PDXDC1: variants seen among roughly 807,000 people sequenced by gnomAD.
PDXDC1 encodes the protein pyridoxal dependent decarboxylase domain containing 1, also known as pyridoxal-dependent decarboxylase domain-containing protein 1.
A neutral mutation model predicts 100.1 loss-of-function variants in PDXDC1; 42 were observed. The observed-to-expected ratio is 0.42, with a 90% confidence interval of 0.33 to 0.54. The LOEUF (loss-of-function observed/expected upper bound fraction) is 0.54. Ranked by LOEUF, PDXDC1 falls within the 20% of genes least tolerant of loss-of-function variation. The probability of loss-of-function intolerance (pLI) is 0.10; values close to 1 mark genes in which losing one functional copy is unlikely to be tolerated. For synonymous variants in PDXDC1, 260 were observed against 371.7 expected (o/e 0.70, Z 3.46); for missense variants, 636 against 979.2 (o/e 0.65, Z 4.68).
chr16:15,035,251 G>C (rs950629819), intron 21 of PDXDC1, among the ~76,000 whole-genome samples, 198 bp from the exon 22 acceptor site: 6 of 152,210 alleles, frequency 3.9e-5, no homozygotes, highest in Non-Finnish European at 8.8e-5. Context: ...ACTGCTGGCG[G>C]ATGCTGGCGG....
At chr16:15,055,777 C>T (rs2044486055) in intron 16 of PDXDC1, 2 of 531,314 alleles carry the variant, frequency 3.8e-6, no homozygotes, top group East Asian at 7.3e-5. Flanking sequence ...GGCCGGGGCT[C>T]CGGATGTGCC....
intron 14 of PDXDC1, 132 bp from the exon 15 acceptor site, chr16:15,028,746 C>T: frequency 2.6e-6 from 2 of 765,798 alleles, no homozygotes; most frequent in East Asian, 2.7e-5. Flanking sequence ...TCAGATAATA[C>T]ATGAGAATTC....
In PDXDC1 at chr16:15,062,460, T is replaced by C. The variant is rs148828318; in HGVS notation, c.1399+32404T>C. Among the ~76,000 whole-genome samples, 23 of 152,358 alleles carry C rather than the reference T, an allele frequency of 1.5e-4. No individual in the cohort carries two copies. The East Asian group carries it at 4.2e-3, about 28-fold the overall frequency. On this transcript the variant is annotated intron_variant, in intron 16 of 16. Transcript: ENST00000535621. ...AAAGCCATCTTGAAGCTGCTTTTAA[T>C]GAGAAAACAAATGTGCTCCCAAGCA...
At chr16:14,990,647 C>T (rs1970563791) in intron 1 of PDXDC1, among the ~76,000 whole-genome samples, 1 of 152,268 alleles carries the variant, frequency 6.6e-6, no homozygotes, top group South Asian at 2.1e-4. Context: ...AGTCATTGTT[C>T]ACATTTATTC....
chr16:15,042,058 A>G (rs549787403), downstream of PDXDC1, among the ~76,000 whole-genome samples: 1 of 152,240 alleles, frequency 6.6e-6, no homozygotes, highest in Admixed American at 6.5e-5. Context: ...AACAGATCTG[A>G]AAAATACAAG....
the PDXDC1 span, among the ~76,000 whole-genome samples, chr16:15,146,960 G>A: frequency 1.3e-5 from 2 of 152,104 alleles, no homozygotes; most frequent in Non-Finnish European, 2.9e-5. Flanking sequence ...AAGTGGAGGC[G>A]CTGGGACGTG....
rs781452601 is a variant in PDXDC1, at chr16:15,017,438, CT to C, written c.963+17del. ...CCCTGCCTTGGTAAGTTTCCACTCACTGGGGAGGGAGTGGGTGTGGCTAATA... is the reference window on the plus strand; with the variant it reads ...CCCTGCCTTGGTAAGTTTCCACTCACGGGGAGGGAGTGGGTGTGGCTAATA... On this transcript the variant is annotated intron_variant, in intron 11 of 22. Transcript: ENST00000396410. 6.2e-7 allele frequency: 1 copy of C among 1,611,614 alleles called. No individual in the cohort carries two copies. Among genetic ancestry groups the C allele is most frequent in the East Asian group, 2.2e-5 (1 of 44,726 alleles).
chr16:15,075,860 C>A (rs1366182107), intron 16 of PDXDC1, among the ~76,000 whole-genome samples: 1 of 152,166 alleles, frequency 6.6e-6, no homozygotes, highest in South Asian at 2.1e-4. Context: ...GTACTGGCGG[C>A]CAATAGCTCA....
chr16:15,020,135 A>AAAAT (rs2042078040), intron 12 of PDXDC1, among the ~76,000 whole-genome samples: 3 of 150,466 alleles, frequency 2.0e-5, no homozygotes, highest in Admixed American at 1.3e-4. Context: ...AAAAAAAAAA[A>AAAAT]AAAAGCCAAA....
intron 16 of PDXDC1, chr16:15,131,031 C>G: frequency 7.2e-7 from 1 of 1,387,362 alleles, no homozygotes; most frequent in African/African-American, 1.4e-5. Context: ...ACGAGAAACG[C>G]CTTCCCCCCA....
At chr16:15,017,928 G>A (rs1386795315) in intron 11 of PDXDC1, among the ~76,000 whole-genome samples, 1 of 152,192 alleles carries the variant, frequency 6.6e-6, no homozygotes, top group Non-Finnish European at 1.5e-5. Context: ...CCAAGTAGCT[G>A]GGATTACAGG....
intron 1 of PDXDC1, among the ~76,000 whole-genome samples, chr16:14,975,805 C>G (rs577767970): frequency 1.8e-3 from 272 of 152,320 alleles, no homozygotes; most frequent in African/African-American, 6.0e-3. Flanking sequence ...GCCACCGCCC[C>G]GCTCCCACTC....
intron 16 of PDXDC1, chr16:15,131,560 T>G (rs976533149): frequency 3.1e-6 from 5 of 1,609,048 alleles, no homozygotes; most frequent in East Asian, 2.2e-5. Flanking sequence ...GGGCTCCTCG[T>G]TGAGCACGCG....
intron 12 of PDXDC1, among the ~76,000 whole-genome samples, chr16:15,022,108 A>G (rs1291479262): frequency 6.6e-6 from 1 of 152,294 alleles, no homozygotes; most frequent in Non-Finnish European, 1.5e-5. Flanking sequence ...GTGATGAGGG[A>G]CCTGGGATTG....
At chr16:15,104,325 T>C in intron 16 of PDXDC1, 2 of 1,543,454 alleles carry the variant, frequency 1.3e-6, no homozygotes, top group Non-Finnish European at 1.7e-6. Flanking sequence ...ATTTTATTTT[T>C]ATATTATTTA....
intron 16 of PDXDC1, chr16:15,070,256 TAGAGA>T: frequency 6.2e-7 from 1 of 1,611,402 alleles, no homozygotes; most frequent in South Asian, 1.1e-5. Context: ...TTTACAGTAC[TAGAGA>T]AAAGAAAAAT....
intron 1 of PDXDC1, among the ~76,000 whole-genome samples, chr16:14,979,413 T>A (rs1362871812): frequency 2.0e-5 from 3 of 152,258 alleles, no homozygotes; most frequent in Admixed American, 6.5e-5. Context: ...CCTCAGCCTC[T>A]CAAGTAGCTG....
chr16:14,986,057 C>T (rs1451073209), intron 1 of PDXDC1, among the ~76,000 whole-genome samples: 7 of 152,156 alleles, frequency 4.6e-5, no homozygotes, highest in African/African-American at 7.2e-5. Flanking sequence ...GCTATGATCA[C>T]GCCACTGTGA....
At chr16:15,101,324 G>A (rs1205118144) in intron 16 of PDXDC1, among the ~76,000 whole-genome samples, 1 of 152,296 alleles carries the variant, frequency 6.6e-6, no homozygotes. Context: ...TTGTTTGTTT[G>A]TTTGTTTTTT....
Sources: gnomAD v4.1 joint callset for allele counts (sites outside exome capture counted in the v4.1 genomes callset) on GRCh38, gnomAD v4.1.1 for gene constraint, MANE v1.5 for transcripts, NCBI Gene and HGNC (gene_info 2026-07-23, HGNC 2026-07-21) for gene names.